The following VAX2 variants were observed in gnomAD, a reference collection of about 807,000 sequenced individuals.
VAX2 encodes the protein ventral anterior homeobox 2.
VAX2 carries 8 observed loss-of-function variants against 12.5 expected under a neutral mutation model. The ratio of observed to expected loss-of-function variants is 0.64; its 90% confidence interval spans 0.37 to 1.15. The LOEUF (loss-of-function observed/expected upper bound fraction) is 1.15, where lower values mean the gene tolerates loss of function less well. VAX2 is among the 50% of genes most tolerant of loss of function. The pLI, the probability that VAX2 is intolerant of heterozygous loss-of-function variation, is 0.01. For synonymous variants in VAX2, 183 were observed against 187.6 expected (o/e 0.98, Z 0.20); for missense variants, 476 against 412.9 (o/e 1.15, Z -1.32).
chr2:70,932,292 T>C (rs1679709822), intron 2 of VAX2, among the ~76,000 whole-genome samples: 1 of 151,990 alleles, frequency 6.6e-6, no homozygotes, highest in Admixed American at 6.5e-5. Context: ...GAGATATCCA[T>C]GGGGAGATGT....
At position 70,933,231 on chromosome 2, in the gene VAX2, C is replaced by G. The variant is rs782418713; in HGVS notation, c.*27C>G. The G allele has an allele frequency of 8.7e-6, 13 of 1,488,868 alleles. No homozygotes were observed. Among genetic ancestry groups the G allele is most frequent in the South Asian group, 2.8e-5 (2 of 70,420 alleles). The allele number at this position is 1,488,868 out of a possible 1,614,324, so 92.2% of individuals were successfully genotyped here. ...ACTCCCACCCTGTGACACTGAGTCCCGAGCACAGCACCTTCCCAGTCTCCT... is the reference window on the plus strand; with the variant it reads ...ACTCCCACCCTGTGACACTGAGTCCGGAGCACAGCACCTTCCCAGTCTCCT... On this transcript the variant is annotated 3_prime_UTR_variant, in exon 3 of 3. Coordinates refer to ENST00000234392, the MANE Select transcript of VAX2 (RefSeq NM_012476.3).
At chr2:70,902,081 G>A (rs73937072) in intron 1 of VAX2, among the ~76,000 whole-genome samples, 1 of 151,928 alleles carries the variant, frequency 6.6e-6, no homozygotes, top group African/African-American at 2.4e-5. Context: ...GTTCCAGCGA[G>A]GGGATTATGT....
chr2:70,900,735 C>A lies in VAX2; in HGVS notation c.114C>A (p.Gly38=), dbSNP rs1385428575. Residue 38 remains glycine (G), a synonymous_variant, in exon 1 of 3, where the codon GGC becomes GGA. Transcript: ENST00000234392. ...RSGAGDLRAD[G]GGHSPTEVAG... ...GAGCGGGGGACTTGCGAGCTGATGG[C>A]GGTGGCCACAGCCCAACGGAGGTGG... 1.4e-6 allele frequency: 2 copies of A among 1,429,252 alleles called. No homozygotes were observed. The highest frequency in any genetic ancestry group is 1.5e-5 in the African/African-American group (1 of 67,630). 88.5% of individuals were successfully genotyped at this position (1,429,252 alleles called of 1,614,324 possible).
chr2:70,930,124 G>A (rs1030196193), intron 2 of VAX2, among the ~76,000 whole-genome samples: 27 of 152,242 alleles, frequency 1.8e-4, no homozygotes, highest in African/African-American at 5.8e-4. Context: ...CTTGAGGCCA[G>A]GATTTTGAGG....
intron 1 of VAX2, among the ~76,000 whole-genome samples, chr2:70,916,300 T>G (rs1679303965): frequency 6.6e-6 from 1 of 152,256 alleles, no homozygotes; most frequent in Non-Finnish European, 1.5e-5. Context: ...TTTACAAACC[T>G]ATAGTACCTT....
At chr2:70,922,112 G>T (rs1376652938) in intron 2 of VAX2, among the ~76,000 whole-genome samples, 1 of 152,202 alleles carries the variant, frequency 6.6e-6, no homozygotes, top group Non-Finnish European at 1.5e-5. Flanking sequence ...TGGACAAGCA[G>T]TCTCTCATCT....
intron 1 of VAX2, among the ~76,000 whole-genome samples, chr2:70,907,417 G>C (rs1553410731): frequency 3.3e-5 from 5 of 152,270 alleles, no homozygotes; most frequent in Admixed American, 1.3e-4. Context: ...CCAGAGGGTT[G>C]ACAGAAATAA....
At chr2:70,931,128 C>T (rs956425966) in intron 2 of VAX2, among the ~76,000 whole-genome samples, 1 of 152,208 alleles carries the variant, frequency 6.6e-6, no homozygotes, top group Non-Finnish European at 1.5e-5. Flanking sequence ...TTTTGTGGCC[C>T]CCAGGGGACT....
At position 70,933,346 on chromosome 2, in the gene VAX2, G is replaced by T. The variant is rs555197052; in HGVS notation, c.*142G>T. On this transcript the variant is annotated 3_prime_UTR_variant, in exon 3 of 3. Transcript: ENST00000234392. ...CACCTGCCCCCCAGCTCAGAGACTC[G>T]TGACCAAATGGCCTTGGTCCCGCAG... 3.8e-6 allele frequency: 3 copies of T among 797,240 alleles called. No individual in the cohort carries two copies. Among genetic ancestry groups the T allele is most frequent in the Middle Eastern group, 2.5e-4 (1 of 4,036 alleles). The allele number at this position is 797,240 out of a possible 1,614,324, so 49.4% of individuals were successfully genotyped here. A position where few individuals can be genotyped will look rare whatever the true frequency, so the allele number is the denominator to read the frequency against.
At position 70,921,909 on chromosome 2, in the gene VAX2, A is replaced by G. The variant is rs1466861790; in HGVS notation, c.435+624A>G. 3.9e-5 allele frequency among the ~76,000 whole-genome samples: 6 copies of G among 152,184 alleles called. No individual in the cohort carries two copies. The East Asian group carries it at 9.6e-4, about 24-fold the overall frequency. ...ATGAATGGAGACCCTTCAAGCTGGT[A>G]CTAGAGCTATAAAATACTACCACTA... is the stretch of plus-strand genomic sequence containing the variant. On this transcript the variant is annotated intron_variant, in intron 2 of 2. Transcript: ENST00000234392.
At chr2:70,932,345 C>A (rs1250979372) in intron 2 of VAX2, among the ~76,000 whole-genome samples, 2 of 152,144 alleles carry the variant, frequency 1.3e-5, no homozygotes, top group African/African-American at 4.8e-5. Context: ...CAGTTCAGAT[C>A]TCTGGGCCTG....
At chr2:70,920,209 C>G (rs1679422078) in intron 1 of VAX2, among the ~76,000 whole-genome samples, 1 of 152,182 alleles carries the variant, frequency 6.6e-6, no homozygotes, top group Admixed American at 6.5e-5. Context: ...CTGCATATTT[C>G]CACAATCTAA....
At position 70,933,377 on chromosome 2, in the gene VAX2, G is replaced by A. The variant is rs1679752063; in HGVS notation, c.*173G>A. 6 of 515,068 alleles carry A rather than the reference G, an allele frequency of 1.2e-5. No homozygotes were observed. In the East Asian group the frequency reaches 1.4e-4, roughly 12 times the overall value. The allele number at this position is 515,068 out of a possible 1,614,324, so 31.9% of individuals were successfully genotyped here. A position where few individuals can be genotyped will look rare whatever the true frequency, so the allele number is the denominator to read the frequency against. ...AAATGGCCTTGGTCCCGCAGCTTGT[G>A]TGCGTGAGTGCAGTGTGAGTGTGTG... On this transcript the variant is annotated 3_prime_UTR_variant, in exon 3 of 3. Coordinates refer to ENST00000234392, the MANE Select transcript of VAX2 (RefSeq NM_012476.3).
rs561603091 is a variant in VAX2 at position 70,932,689 on chromosome 2, C to G, written c.436-78C>G. On this transcript the variant is annotated intron_variant, in intron 2 of 2. Coordinates refer to ENST00000234392, the MANE Select transcript of VAX2 (RefSeq NM_012476.3). ...TGCCCCAACCCCATGCCCTTCCTCTCCTTTCCTCCTCCCACCTGCCCCCAC... is the reference window on the plus strand; with the variant it reads ...TGCCCCAACCCCATGCCCTTCCTCTGCTTTCCTCCTCCCACCTGCCCCCAC... The G allele has an allele frequency of 9.6e-6, 7 of 731,780 alleles. No individual in the cohort carries two copies. In the East Asian group the frequency reaches 4.1e-4, roughly 43 times the overall value. 45.3% of individuals were successfully genotyped at this position (731,780 alleles called of 1,614,324 possible). A position where few individuals can be genotyped will look rare whatever the true frequency, so the allele number is the denominator to read the frequency against.
At position 70,906,681 on chromosome 2, in the gene VAX2, CCG is replaced by C. The variant is rs1361035479; in HGVS notation, c.247+5818_247+5819del. Among the ~76,000 whole-genome samples, 4 of 152,036 alleles carry C rather than the reference CCG, an allele frequency of 2.6e-5. No individual in the cohort carries two copies. In the South Asian group the frequency reaches 6.2e-4, roughly 24 times the overall value. ...AGTGCTGGATTACAGGACTGAGCTA[CCG>C]CGCGTTTCTTGTTCTTTAACTTATT... On this transcript the variant is annotated intron_variant, in intron 1 of 2. Coordinates refer to ENST00000234392, the MANE Select transcript of VAX2 (RefSeq NM_012476.3).
At chr2:70,912,071 C>T (rs1679198252) in intron 1 of VAX2, among the ~76,000 whole-genome samples, 1 of 152,196 alleles carries the variant, frequency 6.6e-6, no homozygotes. Context: ...ATAACCCTGT[C>T]TTTCCTCCAA....
At chr2:70,912,142 A>G (rs868991155) in intron 1 of VAX2, among the ~76,000 whole-genome samples, 29 of 152,334 alleles carry the variant, frequency 1.9e-4, no homozygotes, top group Middle Eastern at 3.4e-3. Flanking sequence ...AATTTGCTTC[A>G]TAACTCTTGT....
chr2:70,931,831 C>T (rs1304553752), intron 2 of VAX2, among the ~76,000 whole-genome samples: 4 of 152,236 alleles, frequency 2.6e-5, no homozygotes, highest in Admixed American at 6.5e-5. Context: ...CAGCCACACA[C>T]GTGTGGGTCA....
intron 2 of VAX2, among the ~76,000 whole-genome samples, chr2:70,923,319 A>G (rs1679503274): frequency 6.6e-6 from 1 of 152,180 alleles, no homozygotes; most frequent in Non-Finnish European, 1.5e-5. Context: ...AGGGTGTGAC[A>G]TAGTCTAACT....
Sources: gnomAD v4.1 joint callset for allele counts (sites outside exome capture counted in the v4.1 genomes callset) on GRCh38, gnomAD v4.1.1 for gene constraint, MANE v1.5 for transcripts, NCBI Gene and HGNC (gene_info 2026-07-23, HGNC 2026-07-21) for gene names.